DNAH9: variants seen among roughly 807,000 people sequenced by gnomAD.
DNAH9 encodes the protein dynein axonemal heavy chain 9.
A neutral mutation model predicts 471.6 loss-of-function variants in DNAH9; 345 were observed. The ratio of observed to expected loss-of-function variants is 0.73; its 90% CI spans 0.67 to 0.80. DNAH9 has a LOEUF of 0.80. Among genes scored for constraint, DNAH9 ranks in the 30% least tolerant of loss-of-function variants. DNAH9 has a pLI of 0.00. For synonymous variants in DNAH9, 2,093 were observed against 2,123.6 expected (o/e 0.99, Z 0.40); for missense variants, 5,407 against 5,609.2 (o/e 0.96, Z 1.15).
In DNAH9 at chr17:11,689,673, T is replaced by A; in HGVS notation, c.3851T>A (p.Val1284Asp). 6.2e-7 allele frequency: 1 copy of A among 1,614,064 alleles called. No individual in the cohort carries two copies. Among genetic ancestry groups the A allele is most frequent in the Non-Finnish European group, 8.5e-7 (1 of 1,179,984 alleles). Residue 1284 changes from valine to aspartate, a missense_variant, in exon 20 of 69, where the codon GTC becomes GAC. By Grantham distance (152) the Val-to-Asp change is radical. Transcript: ENST00000262442. Reference sequence around the variant, plus strand: ...TCTGAGTCTGCCAGCTTATTTGAAGTCAATGTCCCTGACTATAAGCAGCTG... The same window carrying A: ...TCTGAGTCTGCCAGCTTATTTGAAGACAATGTCCCTGACTATAAGCAGCTG... ...SISESASLFE[V>D]NVPDYKQLRQ... is the part of the protein sequence containing the mutation.
At chr17:11,946,663 CAAAAAAA>C (rs754149437) in intron 67 of DNAH9, among the ~76,000 whole-genome samples, 1 of 67,942 alleles carries the variant, frequency 1.5e-5, no homozygotes, top group Non-Finnish European at 2.7e-5. Context: ...GACTCCATCT[CAAAAAAA>C]AAAAAAAAAA....
chr17:11,791,572 G>A (rs1390788920), intron 41 of DNAH9, among the ~76,000 whole-genome samples: 2 of 152,100 alleles, frequency 1.3e-5, no homozygotes, highest in Admixed American at 6.5e-5. Context: ...TTAGTTGGGT[G>A]TGGTGGTGCG....
At chr17:11,872,573 C>G (rs1438022794) in intron 52 of DNAH9, among the ~76,000 whole-genome samples, 1 of 152,104 alleles carries the variant, frequency 6.6e-6, no homozygotes, top group Non-Finnish European at 1.5e-5. Flanking sequence ...CGTTCAAGAC[C>G]GGGATACCTT....
At position 11,894,493 on chromosome 17, in the gene DNAH9, C is replaced by G; in HGVS notation, c.11403C>G (p.Val3801=). ...EFLSHQAWGA[V]KVLSSMEEFS... ...TCTCCCATCAGGCGTGGGGAGCTGT[C>G]AAGGTCAGTATTGACCCCTAGAAAA... Residue 3801 remains valine, a synonymous_variant, in exon 59 of 69, where the codon GTC becomes GTG. Transcript: ENST00000262442. 1 of 1,614,118 alleles carries G rather than the reference C, an allele frequency of 6.2e-7. No homozygotes were observed. The highest frequency in any genetic ancestry group is 1.3e-5 in the African/African-American group (1 of 75,052).
At chr17:11,873,447 T>G (rs1410911308) in intron 52 of DNAH9, 1 of 152,320 alleles carries the variant, frequency 6.6e-6, no homozygotes, top group South Asian at 2.1e-4. Flanking sequence ...TGATTTCCCT[T>G]CAGAGGTTTG....
intron 12 of DNAH9, among the ~76,000 whole-genome samples, chr17:11,649,040 T>C (rs1417383495): frequency 6.6e-6 from 1 of 151,890 alleles, no homozygotes; most frequent in Non-Finnish European, 1.5e-5. Flanking sequence ...GGCAGGAGAA[T>C]TGCTTGAACC....
chr17:11,814,671 C>T (rs1340856086), intron 45 of DNAH9, among the ~76,000 whole-genome samples: 1 of 152,158 alleles, frequency 6.6e-6, no homozygotes, highest in Non-Finnish European at 1.5e-5. Flanking sequence ...AAGTCATATT[C>T]TTCTTTATCT....
rs535230883 is a variant in DNAH9 at position 11,794,096 on chromosome 17, G to A, written c.8223+432G>A. 3.8e-3 allele frequency among the ~76,000 whole-genome samples: 531 copies of A among 139,872 alleles called. 3 individuals carry two copies. Among genetic ancestry groups the A allele is most frequent in the African/African-American group, 0.013 (490 of 37,302 alleles). The allele number at this position is 139,872 out of a possible 152,430, so 91.8% of individuals were successfully genotyped here. A position where few individuals can be genotyped will look rare whatever the true frequency, so the allele number is the denominator to read the frequency against. On this transcript the variant is annotated intron_variant, in intron 42 of 68. Coordinates refer to ENST00000262442, the MANE Select transcript of DNAH9 (RefSeq NM_001372.4). Reference sequence around the variant, plus strand: ...GTCTTGCTCTTTCGCCCAGGCTGGAGTGCAGTGGCGCGATCTCGGCTCACT... The same window carrying A: ...GTCTTGCTCTTTCGCCCAGGCTGGAATGCAGTGGCGCGATCTCGGCTCACT...
Position 11,781,172 on chromosome 17 carries a change from C to T in DNAH9, c.7716C>T (p.His2572=), listed in dbSNP as rs754621309. Residue 2572 remains histidine, a splice_region_variant and synonymous_variant, in exon 39 of 69, where the codon CAC becomes CAT. Coordinates refer to ENST00000262442, the MANE Select transcript of DNAH9 (RefSeq NM_001372.4). ...TCCGGCAGCATCTGGACTATGGCCA[C>T]TGGTAAGAGCGCCCATGTAGAGGGA... is the stretch of plus-strand genomic sequence containing the variant. ...TIIRQHLDYG[H]WYDRSKLSLK... 12 of 1,613,590 alleles carry T rather than the reference C, an allele frequency of 7.4e-6. No homozygotes were observed. The East Asian group carries it at 1.3e-4, about 18-fold the overall frequency.
chr17:11,918,121 C>T lies in DNAH9; in HGVS notation c.11750-5693C>T, dbSNP rs573274447. Among the ~76,000 whole-genome samples the T allele has an allele frequency of 7.2e-4, 109 of 152,330 alleles. 1 individual carries two copies. Among genetic ancestry groups the T allele is most frequent in the African/African-American group, 2.5e-3 (104 of 41,576 alleles). Reference sequence around the variant, plus strand: ...AACAGTTTTCCATTCAGTGTCTTTGCAGCCAGATTCTCGAAACTTTGCTTT... The same window carrying T: ...AACAGTTTTCCATTCAGTGTCTTTGTAGCCAGATTCTCGAAACTTTGCTTT... On this transcript the variant is annotated intron_variant, in intron 61 of 68. Coordinates refer to ENST00000262442, the MANE Select transcript of DNAH9 (RefSeq NM_001372.4).
At chr17:11,900,578 G>A (rs1299529641) in intron 59 of DNAH9, among the ~76,000 whole-genome samples, 1 of 150,780 alleles carries the variant, frequency 6.6e-6, no homozygotes, top group African/African-American at 2.4e-5. Context: ...TACCTACCAA[G>A]GCCTCCCTCA....
At chr17:11,793,865 TGAA>T (rs1969147935) in intron 42 of DNAH9, among the ~76,000 whole-genome samples, 2 of 151,992 alleles carry the variant, frequency 1.3e-5, no homozygotes, top group South Asian at 4.2e-4. Flanking sequence ...ATCCCAGTGT[TGAA>T]GAAGTCCATA....
chr17:11,794,342 G>A (rs541462119), intron 42 of DNAH9, among the ~76,000 whole-genome samples: 178 of 152,258 alleles, frequency 1.2e-3, no homozygotes, highest in African/African-American at 3.7e-3. Context: ...GATTACAGGC[G>A]TGAGCCACTG....
intron 28 of DNAH9, among the ~76,000 whole-genome samples, chr17:11,737,504 C>T (rs1418979492): frequency 6.6e-6 from 1 of 152,148 alleles, no homozygotes; most frequent in Non-Finnish European, 1.5e-5. Context: ...GCTGGAAATT[C>T]CCAAAGACCT....
intron 45 of DNAH9, among the ~76,000 whole-genome samples, chr17:11,813,786 C>T (rs189326564): frequency 1.3e-4 from 20 of 152,298 alleles, no homozygotes; most frequent in Admixed American, 1.1e-3. Flanking sequence ...CTACTTCTGA[C>T]ACGAACTACA....
intron 20 of DNAH9, among the ~76,000 whole-genome samples, chr17:11,690,943 A>G (rs2150754401): frequency 6.6e-6 from 1 of 152,254 alleles, no homozygotes; most frequent in East Asian, 1.9e-4. Flanking sequence ...TGTTCTTCTC[A>G]TTATTACCTT....
At chr17:11,795,675 C>T (rs1357213567) in intron 42 of DNAH9, among the ~76,000 whole-genome samples, 1 of 152,204 alleles carries the variant, frequency 6.6e-6, no homozygotes, top group Non-Finnish European at 1.5e-5. Context: ...TAGAGTTACC[C>T]AATTCAGGTA....
intron 41 of DNAH9, among the ~76,000 whole-genome samples, chr17:11,789,770 G>A (rs1271891918): frequency 2.0e-5 from 3 of 151,792 alleles, no homozygotes; most frequent in Non-Finnish European, 4.4e-5. Context: ...TCTTGGCATG[G>A]CTACTTATAT....
chr17:11,885,381 G>A (rs192328890), intron 56 of DNAH9, among the ~76,000 whole-genome samples: 28 of 152,320 alleles, frequency 1.8e-4, no homozygotes, highest in African/African-American at 5.1e-4. Context: ...CTGAGTTTCC[G>A]TTGTATAGGG....
Sources: allele counts gnomAD v4.1 joint callset (sites outside exome capture counted in the v4.1 genomes callset), GRCh38; gene constraint gnomAD v4.1.1; transcripts MANE v1.5; gene names NCBI Gene and HGNC (gene_info 2026-07-23, HGNC 2026-07-21).